PHKB: variants seen among roughly 807,000 people sequenced by gnomAD.
PHKB encodes the protein phosphorylase b kinase regulatory subunit beta.
In PHKB, 122 loss-of-function variants were observed where a neutral mutation model predicts 152.1. The observed-to-expected ratio is 0.80, with a 90% CI of 0.69 to 0.93. PHKB has a LOEUF of 0.93. Among genes scored for constraint, PHKB ranks in the 40% least tolerant of loss-of-function variants. The pLI, the probability that PHKB is intolerant of heterozygous loss-of-function variation, is 0.00. For missense variants in PHKB, 1,304 were observed against 1,328.4 expected (o/e 0.98, Z 0.29); for synonymous variants, 436 against 464.9 (o/e 0.94, Z 0.80).
At chr16:47,486,264 G>T (rs1352881642) in intron 1 of PHKB, among the ~76,000 whole-genome samples, 1 of 152,200 alleles carries the variant, frequency 6.6e-6, no homozygotes, top group Non-Finnish European at 1.5e-5. Flanking sequence ...ACTCAGTTCA[G>T]TTCATAAATA....
At chr16:47,555,540 G>A (rs1324737444) in intron 7 of PHKB, among the ~76,000 whole-genome samples, 1 of 152,050 alleles carries the variant, frequency 6.6e-6, no homozygotes, top group Non-Finnish European at 1.5e-5. Flanking sequence ...AGATGTTAAG[G>A]TACCATCTTG....
chr16:47,626,526 A>T (rs1429046651), intron 14 of PHKB, among the ~76,000 whole-genome samples: 1 of 151,928 alleles, frequency 6.6e-6, no homozygotes, highest in Non-Finnish European at 1.5e-5. Flanking sequence ...ATTCATTTCC[A>T]CTCCTAAGTG....
intron 8 of PHKB, among the ~76,000 whole-genome samples, chr16:47,587,097 A>G (rs1429464308): frequency 6.6e-6 from 1 of 152,196 alleles, no homozygotes; most frequent in Admixed American, 6.5e-5. Context: ...GGGGAAAACA[A>G]TATCTACATA....
chr16:47,601,944 A>G (rs997169486), intron 13 of PHKB, among the ~76,000 whole-genome samples: 9 of 152,216 alleles, frequency 5.9e-5, no homozygotes, highest in Non-Finnish European at 1.0e-4. Flanking sequence ...TTAAAACAAG[A>G]TATATTCTCT....
At chr16:47,555,469 A>T (rs993156789) in intron 7 of PHKB, among the ~76,000 whole-genome samples, 13 of 152,224 alleles carry the variant, frequency 8.5e-5, no homozygotes, top group Admixed American at 8.5e-4. Flanking sequence ...TATGCAACAA[A>T]TCACTATCTC....
intron 6 of PHKB, among the ~76,000 whole-genome samples, chr16:47,531,930 T>C (rs1567294628): frequency 1.3e-5 from 2 of 152,098 alleles, no homozygotes; most frequent in East Asian, 3.9e-4. Flanking sequence ...TCCATTAAAG[T>C]AACAATCTGC....
intron 13 of PHKB, 149 bp from the exon 14 acceptor site, chr16:47,610,677 G>T (rs549179929): frequency 2.1e-5 from 14 of 672,766 alleles, no homozygotes; most frequent in East Asian, 1.6e-4. Flanking sequence ...TTATGGCCTA[G>T]TATGTGGTAT....
At chr16:47,474,827 C>T (rs867346134) in intron 1 of PHKB, among the ~76,000 whole-genome samples, 13 of 151,946 alleles carry the variant, frequency 8.6e-5, no homozygotes, top group South Asian at 6.2e-4. Context: ...CAGGTTCAAG[C>T]GATTCTCCTG....
At chr16:47,515,441 T>G in intron 5 of PHKB, 80 bp from the exon 6 acceptor site, 1 of 758,628 alleles carries the variant, frequency 1.3e-6, no homozygotes, top group Non-Finnish European at 2.4e-6. Context: ...AAATGACTTG[T>G]AATTTTAGCC....
intron 13 of PHKB, chr16:47,598,570 G>A: frequency 1.3e-6 from 1 of 775,250 alleles, no homozygotes; most frequent in South Asian, 1.7e-5. Context: ...ATTATAAAAT[G>A]TCAGTAATAT....
intron 1 of PHKB, among the ~76,000 whole-genome samples, chr16:47,473,522 CTTTATTAG>C (rs1463101991): frequency 2.0e-5 from 3 of 151,618 alleles, no homozygotes; most frequent in Non-Finnish European, 4.4e-5. Context: ...TTCTTATAGA[CTTTATTAG>C]TTTATTTTAC....
chr16:47,618,386 G>A (rs1972557890), intron 14 of PHKB, among the ~76,000 whole-genome samples: 1 of 152,074 alleles, frequency 6.6e-6, no homozygotes. Context: ...GGAACTAGGA[G>A]CCCAGGCCTC....
chr16:47,501,508 A>T (rs949954321), intron 3 of PHKB, among the ~76,000 whole-genome samples: 3 of 152,168 alleles, frequency 2.0e-5, no homozygotes, highest in African/African-American at 7.2e-5. Context: ...TTTCTTAGGT[A>T]TAATAATGGT....
intron 8 of PHKB, among the ~76,000 whole-genome samples, chr16:47,582,608 G>A (rs1431727206): frequency 6.6e-6 from 1 of 152,086 alleles, no homozygotes; most frequent in Non-Finnish European, 1.5e-5. Context: ...TTGGCATTGA[G>A]ATTTTTTGGA....
At chr16:47,545,230 C>T (rs1197911288) in intron 6 of PHKB, among the ~76,000 whole-genome samples, 2 of 152,082 alleles carry the variant, frequency 1.3e-5, no homozygotes, top group Non-Finnish European at 2.9e-5. Flanking sequence ...GTGGCTTGTA[C>T]TGGTTGTTCC....
At chr16:47,608,796 G>A (rs1008012329) in intron 13 of PHKB, among the ~76,000 whole-genome samples, 2 of 152,148 alleles carry the variant, frequency 1.3e-5, no homozygotes, top group Non-Finnish European at 2.9e-5. Flanking sequence ...TTTATTTTTG[G>A]ACTCTGTATT....
chr16:47,661,359 G>A (rs1369438967), intron 22 of PHKB, among the ~76,000 whole-genome samples: 2 of 152,140 alleles, frequency 1.3e-5, no homozygotes, highest in Non-Finnish European at 2.9e-5. Flanking sequence ...AGAAGGGAGT[G>A]GTTAAATGAC....
At chr16:47,463,895 A>G (rs1969619705) in intron 1 of PHKB, 8 of 1,611,652 alleles carry the variant, frequency 5.0e-6, no homozygotes, top group East Asian at 4.5e-5. Flanking sequence ...TAAAATTGCT[A>G]TAGCTTAGCC....
chr16:47,573,545 T>G (rs973482107), intron 7 of PHKB, among the ~76,000 whole-genome samples: 5 of 152,210 alleles, frequency 3.3e-5, no homozygotes, highest in African/African-American at 9.6e-5. Flanking sequence ...ACATTGGGTC[T>G]CACACTCACA....
Sources: gnomAD v4.1 joint callset for allele counts (sites outside exome capture counted in the v4.1 genomes callset) on GRCh38, gnomAD v4.1.1 for gene constraint, MANE v1.5 for transcripts, NCBI Gene and HGNC (gene_info 2026-07-23, HGNC 2026-07-21) for gene names.